Variants in COPG2 observed in about 807,000 individuals in gnomAD.
COPG2 encodes the protein coatomer subunit gamma-2.
In COPG2, 37 loss-of-function variants were observed where a neutral mutation model predicts 46.3. That is an observed-to-expected ratio of 0.80 (90% CI 0.61 to 1.05). The LOEUF is 1.05. Among genes scored for constraint, COPG2 ranks in the 50% least tolerant of loss-of-function variants. The probability of loss-of-function intolerance (pLI) is 0.00; values close to 1 mark genes in which losing one functional copy is unlikely to be tolerated. For missense variants in COPG2, 427 were observed against 387.8 expected (o/e 1.10, Z -0.85); for synonymous variants, 159 against 129.7 (o/e 1.23, Z -1.53).
At chr7:130,617,101 T>G (rs1554453028) in intron 5 of COPG2, 36 bp from the exon 6 acceptor site, 2 of 1,404,346 alleles carry the variant, frequency 1.4e-6, no homozygotes, top group Non-Finnish European at 2.0e-6. Context: ...TAAGATCAAT[T>G]AAAATCTCTC....
At chr7:130,626,276 A>C (rs2116532910) in intron 5 of COPG2, among the ~76,000 whole-genome samples, 1 of 152,216 alleles carries the variant, frequency 6.6e-6, no homozygotes, top group African/African-American at 2.4e-5. Context: ...TGACATCTCC[A>C]ACCAGAAACA....
chr7:130,662,333 T>C (rs999529133), intron 4 of COPG2, among the ~76,000 whole-genome samples: 2 of 152,146 alleles, frequency 1.3e-5, no homozygotes, highest in African/African-American at 2.4e-5. Flanking sequence ...ATGCAATACA[T>C]ACCAAAAAAC....
intron 9 of COPG2, among the ~76,000 whole-genome samples, chr7:130,575,635 C>T (rs968608258): frequency 2.0e-5 from 3 of 151,976 alleles, no homozygotes; most frequent in Non-Finnish European, 4.4e-5. Context: ...ACCTATAAAA[C>T]AAAAATATAA....
At chr7:130,649,068 G>C (rs570149276) in intron 5 of COPG2, among the ~76,000 whole-genome samples, 1 of 152,262 alleles carries the variant, frequency 6.6e-6, no homozygotes, top group Non-Finnish European at 1.5e-5. Context: ...CATTAGACAA[G>C]AGGCTCCTCC....
At chr7:130,610,422 C>T in intron 9 of COPG2, 1 of 416,736 alleles carries the variant, frequency 2.4e-6, no homozygotes. Context: ...TAGAGCTCAG[C>T]CATAAGCCTT....
intron 20 of COPG2, among the ~76,000 whole-genome samples, chr7:130,526,173 G>A (rs996177513): frequency 6.6e-6 from 1 of 152,002 alleles, no homozygotes; most frequent in Admixed American, 6.6e-5. Flanking sequence ...AAGAGGGGAA[G>A]GAAAAGGCAG....
chr7:130,587,003 A>G (rs902688937), intron 9 of COPG2, among the ~76,000 whole-genome samples: 1 of 151,930 alleles, frequency 6.6e-6, no homozygotes, highest in Non-Finnish European at 1.5e-5. Context: ...CATAAATTCT[A>G]TTATATTAAA....
intron 12 of COPG2, among the ~76,000 whole-genome samples, chr7:130,557,549 G>A (rs953211396): frequency 6.6e-6 from 1 of 152,098 alleles, no homozygotes; most frequent in African/African-American, 2.4e-5. Flanking sequence ...GCTCATGCCT[G>A]TAATTCCAGC....
At chr7:130,621,103 G>A (rs1375361774) in intron 5 of COPG2, among the ~76,000 whole-genome samples, 3 of 152,152 alleles carry the variant, frequency 2.0e-5, no homozygotes, top group African/African-American at 4.8e-5. Flanking sequence ...ATGTGACAAC[G>A]AATCAAGAGA....
At chr7:130,613,032 GT>G (rs1794881465) in intron 7 of COPG2, among the ~76,000 whole-genome samples, 1 of 152,128 alleles carries the variant, frequency 6.6e-6, no homozygotes, top group Admixed American at 6.5e-5. Context: ...AACATTTTAT[GT>G]TTTTAATTGC....
intron 9 of COPG2, among the ~76,000 whole-genome samples, chr7:130,588,301 T>C (rs1584985932): frequency 6.6e-6 from 1 of 151,948 alleles, no homozygotes; most frequent in African/African-American, 2.4e-5. Context: ...ACTGGGTATA[T>C]ATCCAAAGGA....
At chr7:130,600,386 A>C (rs1794613286) in intron 9 of COPG2, among the ~76,000 whole-genome samples, 1 of 152,008 alleles carries the variant, frequency 6.6e-6, no homozygotes, top group African/African-American at 2.4e-5. Flanking sequence ...TTAACCTCCC[A>C]AGTAGCTGGG....
chr7:130,636,264 T>C (rs1554456208), intron 5 of COPG2, among the ~76,000 whole-genome samples: 1 of 152,124 alleles, frequency 6.6e-6, no homozygotes, highest in African/African-American at 2.4e-5. Context: ...TCCTTGTTAA[T>C]TTTCTGTTTC....
intron 9 of COPG2, among the ~76,000 whole-genome samples, chr7:130,606,525 C>T (rs1554451285): frequency 1.3e-5 from 2 of 152,268 alleles, no homozygotes. Flanking sequence ...TATGTATTGG[C>T]AGAGAGCTTA....
At chr7:130,563,493 TATCTC>T (rs1793750978) in intron 10 of COPG2, among the ~76,000 whole-genome samples, 157 bp from the exon 11 acceptor site, 3 of 152,064 alleles carry the variant, frequency 2.0e-5, no homozygotes, top group African/African-American at 7.2e-5. Context: ...GAATATTCCT[TATCTC>T]ATCATATACC....
intron 5 of COPG2, among the ~76,000 whole-genome samples, chr7:130,650,741 T>C (rs1390468179): frequency 7.9e-5 from 12 of 152,182 alleles, no homozygotes; most frequent in Non-Finnish European, 1.5e-5. Flanking sequence ...GGAAAAGATA[T>C]TAGATTCCTG....
intron 5 of COPG2, among the ~76,000 whole-genome samples, chr7:130,636,463 T>G (rs1486778177): frequency 6.6e-6 from 1 of 152,200 alleles, no homozygotes; most frequent in African/African-American, 2.4e-5. Context: ...TTTACCATTA[T>G]GTAATGCCTT....
intron 9 of COPG2, among the ~76,000 whole-genome samples, chr7:130,607,237 T>C (rs1238600922): frequency 7.3e-6 from 1 of 137,528 alleles, no homozygotes; most frequent in East Asian, 2.2e-4. Context: ...TGAGAGAGAC[T>C]GTCATAAATA....
At chr7:130,542,095 G>A (rs1160695702) in intron 20 of COPG2, among the ~76,000 whole-genome samples, 5,502 of 92,762 alleles carry the variant, frequency 0.059, 358 homozygotes, top group Middle Eastern at 0.13. Context: ...AGCAGCTTAC[G>A]GAGGTGAGCT....
Sources: allele counts gnomAD v4.1 joint callset (sites outside exome capture counted in the v4.1 genomes callset), GRCh38; gene constraint gnomAD v4.1.1; transcripts MANE v1.5; gene names NCBI Gene and HGNC (gene_info 2026-07-23, HGNC 2026-07-21).